AJAP1: variants seen among roughly 807,000 people sequenced by gnomAD.
The protein encoded by AJAP1 is adherens junction-associated protein 1.
AJAP1 carries 5 observed loss-of-function variants against 35.0 expected under a neutral mutation model. The ratio of observed to expected loss-of-function variants is 0.14; its 90% CI spans 0.07 to 0.30. The LOEUF is 0.30. Ranked by LOEUF, AJAP1 falls within the 10% of genes least tolerant of loss-of-function variation. The probability of loss-of-function intolerance (pLI) is 1.00; values close to 1 mark genes in which losing one functional copy is unlikely to be tolerated. For missense variants in AJAP1, 586 were observed against 571.0 expected (o/e 1.03, Z -0.27); for synonymous variants, 284 against 249.3 (o/e 1.14, Z -1.31).
intron 4 of AJAP1, 59 bp downstream of exon 4, chr1:4,772,584 G>C (rs778162818): frequency 5.7e-6 from 9 of 1,587,570 alleles, no homozygotes; most frequent in African/African-American, 1.3e-5. Context: ...CCTGACCCCC[G>C]GGGGCCGGTG....
At position 4,734,969 on chromosome 1, in the gene AJAP1, G is replaced by A. The variant is rs1000992034; in HGVS notation, c.829+22270G>A. Among the ~76,000 whole-genome samples, 6 of 152,190 alleles carry A rather than the reference G, an allele frequency of 3.9e-5. No individual in the cohort carries two copies. Among genetic ancestry groups the A allele is most frequent in the Admixed American group, 2.6e-4 (4 of 15,280 alleles). ...CCGTCCATCGCCTGCAAGCTGAGCC[G>A]CGTGATGGAGCTCAGCCTGCAGCAG... is the stretch of plus-strand genomic sequence containing the variant. On this transcript the variant is annotated intron_variant, in intron 2 of 5. Transcript: ENST00000378191. The surrounding 1 kb of genome is among the most constrained non-coding windows in gnomAD (Gnocchi z 4.3).
In AJAP1 at chr1:4,787,180, C is replaced by A. The variant is rs148024671; in HGVS notation, c.*4695C>A. Reference sequence around the variant, plus strand: ...ACCACACTGGCCATACAGTTGGAGGCAAGATGGGCACAGTTATGGCCTTGT... The same window carrying A: ...ACCACACTGGCCATACAGTTGGAGGAAAGATGGGCACAGTTATGGCCTTGT... On this transcript the variant is annotated 3_prime_UTR_variant, in exon 6 of 6. Coordinates refer to ENST00000378191, the MANE Select transcript of AJAP1 (RefSeq NM_018836.4). 699 of 154,536 alleles carry A rather than the reference C, an allele frequency of 4.5e-3. 56 individuals are homozygous for A. The South Asian group carries it at 0.13, about 28-fold the overall frequency. The allele number at this position is 154,536 out of a possible 1,614,324, so 9.6% of individuals were successfully genotyped here. A position where few individuals can be genotyped will look rare whatever the true frequency, so the allele number is the denominator to read the frequency against.
intron 2 of AJAP1, among the ~76,000 whole-genome samples, chr1:4,742,165 C>T (rs1004965401): frequency 5.3e-5 from 8 of 152,190 alleles, no homozygotes; most frequent in African/African-American, 1.2e-4. Context: ...ATGCTGGCCA[C>T]GCAAAGCCAG....
In AJAP1 at chr1:4,751,427, C is replaced by T. The variant is rs184607210; in HGVS notation, c.830-18426C>T. 4.5e-4 allele frequency among the ~76,000 whole-genome samples: 69 copies of T among 152,308 alleles called. No individual in the cohort carries two copies. In the Middle Eastern group the frequency reaches 0.01, roughly 23 times the overall value. ...GTCCCAGCCCACAGCCAGGTGTGCCCCAGCAAGGAGAGTGCTGAAAAGAAA... is the reference window on the plus strand; with the variant it reads ...GTCCCAGCCCACAGCCAGGTGTGCCTCAGCAAGGAGAGTGCTGAAAAGAAA... On this transcript the variant is annotated intron_variant, in intron 2 of 5. Transcript: ENST00000378191.
intron 1 of AJAP1, among the ~76,000 whole-genome samples, chr1:4,663,254 C>G (rs12408195): frequency 0.2 from 30,664 of 152,024 alleles, 3,388 homozygotes; most frequent in Admixed American, 0.25. Flanking sequence ...GCTGGGATTC[C>G]AGGCATGAGT....
intron 2 of AJAP1, among the ~76,000 whole-genome samples, chr1:4,742,042 A>G (rs921613885): frequency 6.6e-6 from 1 of 152,260 alleles, no homozygotes; most frequent in Non-Finnish European, 1.5e-5. Context: ...AATTAGAACC[A>G]TTGAAACCAT....
chr1:4,677,098 G>A (rs776947916), intron 1 of AJAP1, among the ~76,000 whole-genome samples: 42 of 152,270 alleles, frequency 2.8e-4, no homozygotes, highest in South Asian at 6.2e-4. Context: ...CGGAGGTTGC[G>A]GTGAGCTGAG....
chr1:4,769,830 C>G, intron 2 of AJAP1, 23 bp from the exon 3 acceptor site: 7 of 1,605,642 alleles, frequency 4.4e-6, no homozygotes, highest in African/African-American at 1.3e-5. Flanking sequence ...CGGGTGCCCT[C>G]TTCCCTCTTT....
chr1:4,659,428 T>C (rs1166597911), intron 1 of AJAP1, among the ~76,000 whole-genome samples: 1 of 152,178 alleles, frequency 6.6e-6, no homozygotes, highest in African/African-American at 2.4e-5. Flanking sequence ...CTCCATTCTT[T>C]CTTCCTCTGA....
chr1:4,694,272 C>T (rs1639808463), intron 1 of AJAP1, among the ~76,000 whole-genome samples: 1 of 152,220 alleles, frequency 6.6e-6, no homozygotes, highest in Non-Finnish European at 1.5e-5. Flanking sequence ...CCCCCCACCC[C>T]ACAGTGGTGG....
At chr1:4,732,358 A>G (rs1640819648) in intron 2 of AJAP1, among the ~76,000 whole-genome samples, 1 of 152,216 alleles carries the variant, frequency 6.6e-6, no homozygotes, top group East Asian at 1.9e-4. Context: ...ACATGTGCCC[A>G]CCTGGGCAAG....
chr1:4,672,422 G>A (rs1187990610), intron 1 of AJAP1, among the ~76,000 whole-genome samples: 1 of 152,196 alleles, frequency 6.6e-6, no homozygotes, highest in Non-Finnish European at 1.5e-5. Context: ...CACATGACAT[G>A]CTGATATTTC....
At position 4,693,275 on chromosome 1, in the gene AJAP1, C is replaced by A. The variant is rs1304643748; in HGVS notation, c.30-18625C>A. On this transcript the variant is annotated intron_variant, in intron 1 of 5. Transcript: ENST00000378191. The surrounding 1 kb of genome is among the most constrained non-coding windows in gnomAD (Gnocchi z 4.4). The stretch of plus-strand genomic sequence containing the variant: ...GCCACTCAACTGAGGGGAGAAGCAG[C>A]CCGTGGTCAGGGGACGTCAGGGGCA... Among the ~76,000 whole-genome samples, 2 of 151,552 alleles carry A rather than the reference C, an allele frequency of 1.3e-5. No individual in the cohort carries two copies. The highest frequency in any genetic ancestry group is 3.9e-4 in the East Asian group (2 of 5,148).
intron 3 of AJAP1, among the ~76,000 whole-genome samples, chr1:4,770,852 C>T (rs1002358104): frequency 2.0e-5 from 3 of 152,120 alleles, no homozygotes; most frequent in Admixed American, 2.0e-4. Flanking sequence ...ACAGACCTCC[C>T]ACTCGGCTAG....
rs1039945801 is a variant in AJAP1, at chr1:4,668,225, T to A, written c.29+12771T>A. On this transcript the variant is annotated intron_variant, in intron 1 of 5. Transcript: ENST00000378191. ...TGAAACTCTATCTCAAAAAAAAAAA[T>A]GCCATTAGGGTGGCAACTTTCTTCC... is the stretch of plus-strand genomic sequence containing the variant. Among the ~76,000 whole-genome samples, 5 of 124,398 alleles carry A rather than the reference T, an allele frequency of 4.0e-5. No homozygotes were observed. The South Asian group carries it at 1.1e-3, about 28-fold the overall frequency. The allele number at this position is 124,398 out of a possible 152,430, so 81.6% of individuals were successfully genotyped here. A position where few individuals can be genotyped will look rare whatever the true frequency, so the allele number is the denominator to read the frequency against.
At chr1:4,758,625 C>G (rs1038616005) in intron 2 of AJAP1, among the ~76,000 whole-genome samples, 5 of 152,172 alleles carry the variant, frequency 3.3e-5, no homozygotes, top group African/African-American at 9.7e-5. Context: ...CACTTGGTCT[C>G]TCCCTTGACA....
chr1:4,660,081 C>T (rs1382593987), intron 1 of AJAP1, among the ~76,000 whole-genome samples: 1 of 152,262 alleles, frequency 6.6e-6, no homozygotes, highest in Non-Finnish European at 1.5e-5. Context: ...GGAGCTGTCA[C>T]ACTGCCGGAC....
At chr1:4,735,091 T>TC (rs1281989008) in intron 2 of AJAP1, among the ~76,000 whole-genome samples, 2 of 152,078 alleles carry the variant, frequency 1.3e-5, no homozygotes, top group Admixed American at 1.3e-4. Context: ...GAGGGCCGGG[T>TC]AGAGGGGCTT....
At chr1:4,756,417 T>C (rs147019492) in intron 2 of AJAP1, among the ~76,000 whole-genome samples, 374 of 152,260 alleles carry the variant, frequency 2.5e-3, no homozygotes, top group African/African-American at 8.7e-3. Flanking sequence ...TGACCCAAAC[T>C]CCTCAGCAGG....
Sources: gnomAD v4.1 joint callset for allele counts (sites outside exome capture counted in the v4.1 genomes callset) on GRCh38, gnomAD v4.1.1 for gene constraint, Gnocchi (gnomAD v3.1) non-coding constraint, MANE v1.5 for transcripts, NCBI Gene and HGNC (gene_info 2026-07-23, HGNC 2026-07-21) for gene names.